Variants in ACOXL observed in about 807,000 individuals in gnomAD.
ACOXL encodes the protein acyl-coenzyme A oxidase-like protein.
ACOXL carries 70 observed loss-of-function variants against 71.9 expected under a neutral mutation model. The observed-to-expected ratio is 0.97, with a 90% CI of 0.80 to 1.19. The LOEUF is 1.19. ACOXL is among the 50% of genes most tolerant of loss of function. The probability of loss-of-function intolerance (pLI) is 0.00; values close to 1 mark genes in which losing one functional copy is unlikely to be tolerated. For synonymous variants in ACOXL, 253 were observed against 281.6 expected (o/e 0.90, Z 1.02); for missense variants, 703 against 736.3 (o/e 0.95, Z 0.52).
intron 12 of ACOXL, among the ~76,000 whole-genome samples, chr2:110,954,214 T>C (rs930205763): frequency 6.6e-6 from 1 of 152,232 alleles, no homozygotes; most frequent in Non-Finnish European, 1.5e-5. Context: ...TTACCTGTTA[T>C]ATGCTTATAG....
At chr2:110,783,615 A>T (rs1683591076) in intron 2 of ACOXL, among the ~76,000 whole-genome samples, 1 of 126,890 alleles carries the variant, frequency 7.9e-6, no homozygotes, top group South Asian at 2.2e-4. Flanking sequence ...AGAAACACAG[A>T]CACACACACA....
chr2:110,940,079 G>A (rs1278754835), intron 12 of ACOXL, among the ~76,000 whole-genome samples: 1 of 152,166 alleles, frequency 6.6e-6, no homozygotes, highest in African/African-American at 2.4e-5. Context: ...TATTTACAAA[G>A]ACACATGTAT....
At chr2:111,003,326 G>A (rs111586022) in intron 14 of ACOXL, among the ~76,000 whole-genome samples, 2 of 152,002 alleles carry the variant, frequency 1.3e-5, no homozygotes, top group South Asian at 4.2e-4. Flanking sequence ...AAGGCGGGTG[G>A]ATCACGAGGT....
intron 17 of ACOXL, chr2:111,093,809 A>G (rs2150025199): frequency 3.0e-6 from 1 of 334,000 alleles, no homozygotes; most frequent in East Asian, 5.5e-5. Flanking sequence ...GGTTGCAGTG[A>G]GCAGAGATTG....
chr2:111,072,643 G>A (rs1394200044), intron 16 of ACOXL, among the ~76,000 whole-genome samples: 1 of 152,174 alleles, frequency 6.6e-6, no homozygotes, highest in Non-Finnish European at 1.5e-5. Context: ...TGACATCTGG[G>A]GCCAGATACT....
chr2:110,819,747 C>G (rs58719148), intron 9 of ACOXL, among the ~76,000 whole-genome samples: 3,939 of 152,186 alleles, frequency 0.026, 182 homozygotes, highest in African/African-American at 0.091. Context: ...TCTTATAGGA[C>G]CTTCACAAGG....
At chr2:111,025,739 C>G (rs1357282762) in intron 14 of ACOXL, among the ~76,000 whole-genome samples, 1 of 152,086 alleles carries the variant, frequency 6.6e-6, no homozygotes, top group Non-Finnish European at 1.5e-5. Flanking sequence ...AGATTTTTGC[C>G]TCATCCATTA....
chr2:111,084,991 A>G (rs1320286181), intron 16 of ACOXL, among the ~76,000 whole-genome samples: 1 of 152,186 alleles, frequency 6.6e-6, no homozygotes, highest in Admixed American at 6.5e-5. Context: ...GAAGGACATT[A>G]CACAATGATA....
At chr2:110,949,911 T>G (rs1215696278) in intron 12 of ACOXL, among the ~76,000 whole-genome samples, 10 of 152,176 alleles carry the variant, frequency 6.6e-5, no homozygotes, top group Admixed American at 5.9e-4. Context: ...CTTGTCCCCT[T>G]TTTTGGCAGG....
chr2:110,890,741 T>C (rs1697834953), intron 10 of ACOXL, among the ~76,000 whole-genome samples: 1 of 152,302 alleles, frequency 6.6e-6, no homozygotes, highest in South Asian at 2.1e-4. Flanking sequence ...AATTGAGAAG[T>C]GTGAGTCTTT....
At chr2:111,025,706 T>A (rs559193071) in intron 14 of ACOXL, among the ~76,000 whole-genome samples, 2 of 152,338 alleles carry the variant, frequency 1.3e-5, no homozygotes, top group East Asian at 3.9e-4. Flanking sequence ...TGTACAGAAA[T>A]CCTTTATTAT....
At chr2:111,009,150 C>T (rs2064015592) in intron 14 of ACOXL, among the ~76,000 whole-genome samples, 1 of 152,106 alleles carries the variant, frequency 6.6e-6, no homozygotes, top group Admixed American at 6.5e-5. Flanking sequence ...CAGAAAAAGC[C>T]TTTCCCTTCA....
intron 2 of ACOXL, among the ~76,000 whole-genome samples, chr2:110,771,392 G>A (rs571838626): frequency 1.4e-4 from 22 of 152,288 alleles, no homozygotes; most frequent in Non-Finnish European, 2.2e-4. Context: ...GCCCGTCTGT[G>A]TTTCCCTGGA....
intron 10 of ACOXL, among the ~76,000 whole-genome samples, chr2:110,888,295 C>A (rs1226209123): frequency 6.6e-6 from 1 of 152,168 alleles, no homozygotes; most frequent in Non-Finnish European, 1.5e-5. Flanking sequence ...CCTGGGACTT[C>A]ATGCAAATGA....
chr2:110,833,184 G>A (rs1398492079), intron 9 of ACOXL, among the ~76,000 whole-genome samples: 4 of 152,172 alleles, frequency 2.6e-5, no homozygotes, highest in African/African-American at 9.7e-5. Flanking sequence ...TCTTTCAACA[G>A]GTGAAAGGTT....
intron 12 of ACOXL, among the ~76,000 whole-genome samples, chr2:110,965,012 A>G (rs1160984810): frequency 2.6e-5 from 4 of 152,050 alleles, no homozygotes; most frequent in Non-Finnish European, 5.9e-5. Flanking sequence ...GGTATCTATC[A>G]TTCTACGCTT....
chr2:110,743,445 C>A (rs1342051275), intron 1 of ACOXL, among the ~76,000 whole-genome samples: 3 of 152,158 alleles, frequency 2.0e-5, no homozygotes, highest in African/African-American at 7.2e-5. Context: ...CTTAAACTTG[C>A]ATAGTGACTG....
intron 11 of ACOXL, among the ~76,000 whole-genome samples, chr2:110,915,426 A>T (rs199620282): frequency 0.34 from 27,050 of 79,924 alleles, 3,435 homozygotes; most frequent in South Asian, 0.36. Flanking sequence ...ATATATATAT[A>T]TATTTTTTTT....
At chr2:110,756,254 G>A (rs1679689912) in intron 1 of ACOXL, among the ~76,000 whole-genome samples, 1 of 152,102 alleles carries the variant, frequency 6.6e-6, no homozygotes, top group African/African-American at 2.4e-5. Flanking sequence ...AGCCTCCCGA[G>A]TAGCTGGGAT....
Sources: gnomAD v4.1 joint callset for allele counts (sites outside exome capture counted in the v4.1 genomes callset) on GRCh38, gnomAD v4.1.1 for gene constraint, MANE v1.5 for transcripts, NCBI Gene and HGNC (gene_info 2026-07-23, HGNC 2026-07-21) for gene names.